The following FOXO3 variants were observed in gnomAD, a reference collection of about 807,000 sequenced individuals.
FOXO3 encodes the protein forkhead box O3, also known as forkhead box protein O3.
FOXO3 carries 4 observed loss-of-function variants against 41.9 expected under a neutral mutation model. The ratio of observed to expected loss-of-function variants is 0.10; its 90% CI spans 0.05 to 0.22. The LOEUF is 0.22. FOXO3 is among the 10% of genes least tolerant of loss of function. The probability of loss-of-function intolerance (pLI) is 1.00; values close to 1 mark genes in which losing one functional copy is unlikely to be tolerated. For synonymous variants in FOXO3, 318 were observed against 389.3 expected, an observed-to-expected ratio of 0.82 and a Z score of 2.16; for missense variants, 534 against 906.8, an observed-to-expected ratio of 0.59 and a Z score of 5.28.
intron 1 of FOXO3, among the ~76,000 whole-genome samples, chr6:108,617,221 C>T (rs1777540043): frequency 6.6e-6 from 1 of 152,300 alleles, no homozygotes; most frequent in Middle Eastern, 3.4e-3. Flanking sequence ...AAAGAAGCTG[C>T]ACTGTTATAA....
chr6:108,574,788 T>C (rs1776216087), intron 1 of FOXO3, among the ~76,000 whole-genome samples: 1 of 152,212 alleles, frequency 6.6e-6, no homozygotes, highest in African/African-American at 2.4e-5. Flanking sequence ...TAAGATAAAA[T>C]GTAGTTAACA....
chr6:108,673,494 T>G (rs1437750531), intron 2 of FOXO3, among the ~76,000 whole-genome samples: 1 of 152,242 alleles, frequency 6.6e-6, no homozygotes, highest in Non-Finnish European at 1.5e-5. Context: ...TGTGTCCTGG[T>G]CATACCTTAC....
chr6:108,640,641 A>T (rs879636951), intron 1 of FOXO3, among the ~76,000 whole-genome samples: 15 of 152,148 alleles, frequency 9.9e-5, no homozygotes, highest in Non-Finnish European at 2.2e-4. Flanking sequence ...CATTTAGTCA[A>T]TTTGAGGTTT....
At chr6:108,644,812 T>A (rs1431336536) in intron 1 of FOXO3, among the ~76,000 whole-genome samples, 1 of 152,240 alleles carries the variant, frequency 6.6e-6, no homozygotes, top group Non-Finnish European at 1.5e-5. Flanking sequence ...GACCTTGTTA[T>A]TTTCTCTTAT....
At chr6:108,607,437 G>A (rs75047329) in intron 1 of FOXO3, among the ~76,000 whole-genome samples, 2 of 142,730 alleles carry the variant, frequency 1.4e-5, no homozygotes, top group Non-Finnish European at 3.0e-5. Context: ...GTGACAGAGC[G>A]AGACTATCTC....
chr6:108,590,847 G>A (rs371343394), intron 1 of FOXO3, among the ~76,000 whole-genome samples: 3 of 152,168 alleles, frequency 2.0e-5, no homozygotes, highest in South Asian at 2.1e-4. Context: ...GGATTGTGGC[G>A]CTTTTTTGAG....
At chr6:108,586,371 A>G in intron 1 of FOXO3, among the ~76,000 whole-genome samples, 1 of 152,216 alleles carries the variant, frequency 6.6e-6, no homozygotes, top group Non-Finnish European at 1.5e-5. Context: ...CATAAAGAGA[A>G]CACTGATCTA....
intron 1 of FOXO3, among the ~76,000 whole-genome samples, chr6:108,598,545 A>T (rs1291120922): frequency 6.6e-6 from 1 of 152,180 alleles, no homozygotes; most frequent in Admixed American, 6.5e-5. Context: ...GAGGGAAAAA[A>T]AATCTAGAGC....
At chr6:108,621,818 GA>G (rs1056070351) in intron 1 of FOXO3, among the ~76,000 whole-genome samples, 1 of 152,160 alleles carries the variant, frequency 6.6e-6, no homozygotes, top group African/African-American at 2.4e-5. Flanking sequence ...AGTGCCTAGT[GA>G]CAGGGATGTA....
chr6:108,599,864 A>G (rs945061436), intron 1 of FOXO3, among the ~76,000 whole-genome samples: 3 of 152,092 alleles, frequency 2.0e-5, no homozygotes, highest in African/African-American at 7.2e-5. Flanking sequence ...CTCATCTCAA[A>G]TTTCCTTCCA....
chr6:108,573,025 G>A lies in FOXO3; in HGVS notation c.621+11196G>A, dbSNP rs1010322873. ...GCTTTTGGCCGGCGCGGTGGCTCACGCCTGTAATCCCAGCACTTTGGGAGA... is the reference window on the plus strand; with the variant it reads ...GCTTTTGGCCGGCGCGGTGGCTCACACCTGTAATCCCAGCACTTTGGGAGA... On this transcript the variant is annotated intron_variant, in intron 1 of 2. Coordinates refer to ENST00000406360, the MANE Select transcript of FOXO3 (RefSeq NM_001455.4). Among the ~76,000 whole-genome samples the A allele has an allele frequency of 4.6e-5, 7 of 152,160 alleles. No homozygotes were observed. In the South Asian group the frequency reaches 1.2e-3, roughly 27 times the overall value.
Position 108,680,316 on chromosome 6 carries a change from C to T in FOXO3, c.*524C>T, listed in dbSNP as rs1445604106. The T allele has an allele frequency of 5.3e-5, 8 of 152,248 alleles. No homozygotes were observed. The highest frequency in any genetic ancestry group is 9.7e-5 in the African/African-American group (4 of 41,160). The allele number at this position is 152,248 out of a possible 1,614,324, so 9.4% of individuals were successfully genotyped here. A position where few individuals can be genotyped will look rare whatever the true frequency, so the allele number is the denominator to read the frequency against. On this transcript the variant is annotated 3_prime_UTR_variant, in exon 3 of 3. Transcript: ENST00000406360. ...GTTGTACCAGTTACCATTCCGGGTT[C>T]GAGCATCACAAGCTTTTGAGCGCAT...
chr6:108,599,376 G>A (rs2128365855), intron 1 of FOXO3, among the ~76,000 whole-genome samples: 1 of 152,330 alleles, frequency 6.6e-6, no homozygotes, highest in South Asian at 2.1e-4. Context: ...TGTGTAGTTT[G>A]TGGATTTATA....
At chr6:108,596,759 C>T (rs1012701800) in intron 1 of FOXO3, among the ~76,000 whole-genome samples, 4 of 152,194 alleles carry the variant, frequency 2.6e-5, no homozygotes, top group Non-Finnish European at 2.9e-5. Context: ...TTAATATACA[C>T]TGTCACCCTT....
At chr6:108,666,818 G>A (rs544802171) in intron 2 of FOXO3, among the ~76,000 whole-genome samples, 1 of 152,124 alleles carries the variant, frequency 6.6e-6, no homozygotes, top group Non-Finnish European at 1.5e-5. Flanking sequence ...TGAACACTGG[G>A]ATCTTCTACC....
intron 1 of FOXO3, among the ~76,000 whole-genome samples, chr6:108,572,295 C>T (rs1776124314): frequency 6.6e-6 from 1 of 152,134 alleles, no homozygotes; most frequent in African/African-American, 2.4e-5. Context: ...CCTGTCAGGG[C>T]TTGAGAAGAT....
At position 108,561,227 on chromosome 6, in the gene FOXO3, T is replaced by G. The variant is rs1562223603; in HGVS notation, c.19T>G (p.Ser7Ala). MAEAPA[S>A]PAPLSPLEVE... Reference sequence around the variant, plus strand: ...GGCGAAGATGGCAGAGGCACCGGCTTCCCCGGCCCCGCTCTCTCCGCTCGA... The same window carrying G: ...GGCGAAGATGGCAGAGGCACCGGCTGCCCCGGCCCCGCTCTCTCCGCTCGA... The change falls in exon 1 of 3, where the codon TCC becomes GCC. Residue 7 changes from serine to alanine, a missense_variant. Ser to Ala is a moderately conservative substitution (Grantham distance 99). This residue lies in a region of FOXO3 where 19 missense variants were observed against 26.2 expected (regional missense o/e 0.73). Coordinates refer to ENST00000406360, the MANE Select transcript of FOXO3 (RefSeq NM_001455.4). The G allele has an allele frequency of 6.5e-7, 1 of 1,549,580 alleles. No homozygotes were observed. The highest frequency in any genetic ancestry group is 1.2e-5 in the South Asian group (1 of 84,128).
intron 1 of FOXO3, among the ~76,000 whole-genome samples, chr6:108,652,638 A>G (rs1778577616): frequency 6.6e-6 from 1 of 152,224 alleles, no homozygotes; most frequent in Admixed American, 6.5e-5. Context: ...TCTGCACCTC[A>G]GTTTCCTCCT....
chr6:108,615,773 T>C lies in FOXO3; in HGVS notation c.622-47682T>C, dbSNP rs374959369. ...TACTCTCAATTTCATTTTCAGTCTT[T>C]CCCTGTGCTTCATTTGGGTTAGTTG... On this transcript the variant is annotated intron_variant, in intron 1 of 2. Transcript: ENST00000406360. 4.6e-5 allele frequency among the ~76,000 whole-genome samples: 7 copies of C among 152,250 alleles called. No individual in the cohort carries two copies. In the East Asian group the frequency reaches 1.2e-3, roughly 25 times the overall value.
Sources: gnomAD v4.1 joint callset for allele counts (sites outside exome capture counted in the v4.1 genomes callset) on GRCh38, gnomAD v4.1.1 for gene constraint, gnomAD v4.1.1 regional missense constraint, MANE v1.5 for transcripts, NCBI Gene and HGNC (gene_info 2026-07-23, HGNC 2026-07-21) for gene names.